The following U2SURP variants were observed in gnomAD, a reference collection of about 807,000 sequenced individuals.
The protein encoded by U2SURP is U2 snRNP associated SURP domain containing.
Under a neutral mutation model 144.9 loss-of-function variants are expected in U2SURP, and 9 were observed. That is an observed-to-expected ratio of 0.06 (90% CI 0.04 to 0.11). The LOEUF (loss-of-function observed/expected upper bound fraction) is 0.11. Among genes scored for constraint, U2SURP ranks in the 10% least tolerant of loss-of-function variants. U2SURP has a pLI of 1.00. For missense variants in U2SURP, 724 were observed against 1,226.7 expected, an observed-to-expected ratio of 0.59 and a Z score of 6.12; for synonymous variants, 408 against 396.8, an observed-to-expected ratio of 1.03 and a Z score of -0.33.
intron 6 of U2SURP, among the ~76,000 whole-genome samples, chr3:143,018,039 T>C (rs1164041996): frequency 6.6e-6 from 1 of 152,120 alleles, no homozygotes; most frequent in Non-Finnish European, 1.5e-5. Flanking sequence ...CTGGGCAACA[T>C]AGCAAGACTC....
chr3:143,028,640 A>G lies in U2SURP; in HGVS notation c.1604A>G (p.Lys535Arg). The G allele has an allele frequency of 1.3e-6, 2 of 1,594,916 alleles. No homozygotes were observed. Among genetic ancestry groups the G allele is most frequent in the Non-Finnish European group, 1.7e-6 (2 of 1,174,908 alleles). Residue 535 changes from lysine (K) to arginine (R), a missense_variant, in exon 16 of 28, where the codon AAG becomes AGG. Lys to Arg is a conservative substitution (Grantham distance 26). Transcript: ENST00000473835. ...VEEPSKKGAL[K>R]EEQRDKLEEI... Reference sequence around the variant, plus strand: ...GAACCTAGTAAAAAGGGAGCACTTAAGGAAGAGTAAGATATTTTTCCTTTC... The same window carrying G: ...GAACCTAGTAAAAAGGGAGCACTTAGGGAAGAGTAAGATATTTTTCCTTTC...
At position 143,042,673 on chromosome 3, in the gene U2SURP, A is replaced by C. The variant is rs147560080; in HGVS notation, c.2385-444A>C. Among the ~76,000 whole-genome samples the C allele has an allele frequency of 1.2e-4, 18 of 152,218 alleles. No homozygotes were observed. In the East Asian group the frequency reaches 1.9e-3, roughly 16 times the overall value. On this transcript the variant is annotated intron_variant, in intron 23 of 27. Coordinates refer to ENST00000473835, the MANE Select transcript of U2SURP (RefSeq NM_001080415.2). ...TTTACATCCTTATAGCTTAACTTTCACTTATAAATGAGAACATAGAATATT... is the reference window on the plus strand; with the variant it reads ...TTTACATCCTTATAGCTTAACTTTCCCTTATAAATGAGAACATAGAATATT...
intron 27 of U2SURP, 29 bp from the exon 28 acceptor site, chr3:143,056,263 GATCACATGAGTACTTTATCA>G: frequency 6.5e-7 from 1 of 1,539,384 alleles, no homozygotes; most frequent in Non-Finnish European, 8.8e-7. Flanking sequence ...AAACAGTTTT[GATCACATGAGTACTTTATCA>G]ATTGGGATTT....
At chr3:143,033,443 AATAAGAAGTACAGTC>A (rs1459724821) in intron 18 of U2SURP, 93 bp downstream of exon 18, 1 of 680,910 alleles carries the variant, frequency 1.5e-6, no homozygotes, top group Non-Finnish European at 2.5e-6. Flanking sequence ...ATCCTGCAAG[AATAAGAAGTACAGTC>A]AGCCCTCCAT....
chr3:143,041,794 G>A (rs1006882229), intron 23 of U2SURP, among the ~76,000 whole-genome samples: 2 of 151,956 alleles, frequency 1.3e-5, no homozygotes, highest in African/African-American at 4.8e-5. Context: ...TACCAACATA[G>A]AAGGGCTTGC....
chr3:143,015,831 C>T (rs1219987620), intron 4 of U2SURP, among the ~76,000 whole-genome samples: 1 of 152,048 alleles, frequency 6.6e-6, no homozygotes, highest in African/African-American at 2.4e-5. Flanking sequence ...CTTAATGCCA[C>T]TTGTCAGTAG....
At chr3:143,047,641 C>G (rs1470367654) in intron 24 of U2SURP, among the ~76,000 whole-genome samples, 1 of 49,024 alleles carries the variant, frequency 2.0e-5, no homozygotes. Context: ...CCCCCTCCCG[C>G]CTCCCGGACG....
At chr3:143,003,760 CG>C (rs1935670270) in intron 1 of U2SURP, among the ~76,000 whole-genome samples, 1 of 138,830 alleles carries the variant, frequency 7.2e-6, no homozygotes, top group Non-Finnish European at 1.5e-5. Context: ...GGCACAATCT[CG>C]GCTCATTGCA....
intron 20 of U2SURP, 39 bp downstream of exon 20, chr3:143,036,143 G>C: frequency 6.5e-7 from 1 of 1,549,202 alleles, no homozygotes; most frequent in South Asian, 1.3e-5. Flanking sequence ...TTTAAAATTC[G>C]TTTCTGGGGT....
rs1477900593 is a variant in U2SURP at position 143,016,975 on chromosome 3, T to A, written c.570T>A (p.Pro190=). The change falls in exon 6 of 28, where the codon CCT becomes CCA. Residue 190 remains proline (P), a splice_region_variant and synonymous_variant. Transcript: ENST00000473835. ...PSLLVIETKK[P]PLKKGEKEKK... is the part of the protein sequence containing the mutation. ...TTCTTGTGATAGAAACCAAAAAACC[T>A]GTAAGTCATACTTAAGTAATTGACC... 3 of 1,574,110 alleles carry A rather than the reference T, an allele frequency of 1.9e-6. No individual in the cohort carries two copies. Among genetic ancestry groups the A allele is most frequent in the Non-Finnish European group, 2.6e-6 (3 of 1,168,052 alleles).
chr3:143,051,632 T>G (rs1417749676), intron 25 of U2SURP, among the ~76,000 whole-genome samples: 1 of 106,800 alleles, frequency 9.4e-6, no homozygotes, highest in East Asian at 3.1e-4. Flanking sequence ...GAAAAACCAA[T>G]AATAATGAGA....
In U2SURP at chr3:143,043,716, T is replaced by G. The variant is rs940652176; in HGVS notation, c.2544+440T>G. 1.4e-4 allele frequency among the ~76,000 whole-genome samples: 10 copies of G among 70,722 alleles called. No homozygotes were observed. In the East Asian group the frequency reaches 4.3e-3, roughly 31 times the overall value. The allele number at this position is 70,722 out of a possible 152,430, so 46.4% of individuals were successfully genotyped here. A position where few individuals can be genotyped will look rare whatever the true frequency, so the allele number is the denominator to read the frequency against. On this transcript the variant is annotated intron_variant, in intron 24 of 27. Transcript: ENST00000473835. The stretch of plus-strand genomic sequence containing the variant: ...AATGGATTCTAATGTATAGATTATA[T>G]GTATATATATATATATATATGTAAT...
rs147664545 is a variant in U2SURP, at chr3:143,023,358, C to T, written c.1230+294C>T. ...GTGTATTAACTAAATTTACTTTGTT[C>T]TGAGAAAGTGATACTTTGTATTTGG... On this transcript the variant is annotated intron_variant, in intron 12 of 27. Transcript: ENST00000473835. 2.1e-3 allele frequency: 526 copies of T among 250,972 alleles called. 4 individuals are homozygous for T. Among genetic ancestry groups the T allele is most frequent in the African/African-American group, 0.011 (487 of 44,448 alleles). 15.5% of individuals were successfully genotyped at this position (250,972 alleles called of 1,614,324 possible).
chr3:143,027,066 A>C (rs1032634036), intron 13 of U2SURP, 83 bp from the exon 14 acceptor site: 1 of 1,062,192 alleles, frequency 9.4e-7, no homozygotes, highest in Non-Finnish European at 1.4e-6. Context: ...CATTTTCTGC[A>C]CAATTATAGT....
intron 1 of U2SURP, among the ~76,000 whole-genome samples, chr3:143,002,859 G>C (rs1032741815): frequency 6.6e-6 from 1 of 152,188 alleles, no homozygotes; most frequent in Admixed American, 6.5e-5. Flanking sequence ...TGAGGGGCCA[G>C]TTTCGGCTTC....
rs1482549694 is a variant in U2SURP at position 143,059,408 on chromosome 3, A to C, written c.*2958A>C. The C allele has an allele frequency of 6.6e-6, 1 of 152,274 alleles. No homozygotes were observed. The highest frequency in any genetic ancestry group is 1.5e-5 in the Non-Finnish European group (1 of 67,828). 9.4% of individuals were successfully genotyped at this position (152,274 alleles called of 1,614,324 possible). On this transcript the variant is annotated 3_prime_UTR_variant, in exon 28 of 28. Coordinates refer to ENST00000473835, the MANE Select transcript of U2SURP (RefSeq NM_001080415.2). ...ATTTATGACTTAGGTATTTCCCCCC[A>C]AACTTTAATATTCTTGAGCACTTGA...
At chr3:143,029,449 T>C (rs997554364) in intron 16 of U2SURP, among the ~76,000 whole-genome samples, 35 of 152,216 alleles carry the variant, frequency 2.3e-4, no homozygotes, top group Non-Finnish European at 4.6e-4. Flanking sequence ...GTATCTGTTA[T>C]GGTGATCAGT....
chr3:143,018,008 G>A (rs1936456257), intron 6 of U2SURP, among the ~76,000 whole-genome samples: 1 of 151,342 alleles, frequency 6.6e-6, no homozygotes, highest in African/African-American at 2.4e-5. Flanking sequence ...GATGGCTTGA[G>A]CCCAGGAGTT....
chr3:143,024,112 T>C (rs1219469970), intron 13 of U2SURP, 94 bp downstream of exon 13: 18 of 1,170,504 alleles, frequency 1.5e-5, no homozygotes, highest in Non-Finnish European at 2.2e-5. Context: ...GGTAGTATCT[T>C]GACTGAGCAA....
Sources: gnomAD v4.1 joint callset for allele counts (sites outside exome capture counted in the v4.1 genomes callset) on GRCh38, gnomAD v4.1.1 for gene constraint, MANE v1.5 for transcripts, NCBI Gene and HGNC (gene_info 2026-07-23, HGNC 2026-07-21) for gene names.